NDST1: variants seen among roughly 807,000 people sequenced by gnomAD.
The protein encoded by NDST1 is bifunctional heparan sulfate N-deacetylase/N-sulfotransferase 1.
A neutral mutation model predicts 92.8 loss-of-function variants in NDST1; 35 were observed. That is an observed-to-expected ratio of 0.38 (90% CI 0.29 to 0.50). NDST1 has a LOEUF of 0.50. Ranked by LOEUF, NDST1 falls within the 20% of genes least tolerant of loss-of-function variation. The pLI is 0.94. For synonymous variants in NDST1, 493 were observed against 500.3 expected (o/e 0.99, Z 0.19); for missense variants, 822 against 1,182.7 (o/e 0.69, Z 4.47).
At chr5:150,524,878 T>C (rs1030420390) in intron 2 of NDST1, among the ~76,000 whole-genome samples, 7 of 152,318 alleles carry the variant, frequency 4.6e-5, no homozygotes, top group African/African-American at 1.7e-4. Context: ...GCATTTTGGA[T>C]TTTCAGATTA....
intron 9 of NDST1, 77 bp downstream of exon 9, chr5:150,541,743 C>T: frequency 7.5e-7 from 1 of 1,330,812 alleles, no homozygotes; most frequent in Non-Finnish European, 1.1e-6. Context: ...ACTGCCTTGC[C>T]CTGGCCCCAC....
chr5:150,548,512 C>A, intron 12 of NDST1, 124 bp downstream of exon 12: 1 of 994,258 alleles, frequency 1.0e-6, no homozygotes, highest in Non-Finnish European at 1.5e-6. Flanking sequence ...AGAGCTAGAC[C>A]CTTGGGTCTA....
chr5:150,519,355 C>A (rs963733968), intron 1 of NDST1, among the ~76,000 whole-genome samples: 1 of 152,114 alleles, frequency 6.6e-6, no homozygotes, highest in Non-Finnish European at 1.5e-5. Flanking sequence ...CTGGCTCTTA[C>A]ACCTTCCATC....
At chr5:150,539,681 T>C (rs1282805175) in intron 7 of NDST1, 44 of 985,104 alleles carry the variant, frequency 4.5e-5, no homozygotes, top group Non-Finnish European at 5.1e-5. Flanking sequence ...ACATTTGAGT[T>C]TTCTAGGTCT....
chr5:150,521,479 A>G lies in NDST1; in HGVS notation c.225A>G (p.Ala75=). 1 of 1,613,984 alleles carries G rather than the reference A, an allele frequency of 6.2e-7. No homozygotes were observed. The highest frequency in any genetic ancestry group is 8.5e-7 in the Non-Finnish European group (1 of 1,180,010). Residue 75 remains alanine, a synonymous_variant, in exon 2 of 15, where the codon GCA becomes GCG. Coordinates refer to ENST00000261797, the MANE Select transcript of NDST1 (RefSeq NM_001543.5). This position sits in a 1 kb window ranked among gnomAD's most constrained non-coding sequence, Gnocchi z 5.9. ...SRLLPLKPVQ[A]ATPSRTDPLV... is the part of the protein sequence containing the mutation. ...TGCTGCCACTCAAGCCTGTGCAGGC[A>G]GCCACCCCTTCCCGCACAGACCCGT...
intron 1 of NDST1, 128 bp from the exon 2 acceptor site, chr5:150,520,738 CAA>C (rs989099946): frequency 2.6e-6 from 1 of 391,028 alleles, no homozygotes; most frequent in African/African-American, 2.1e-5. Context: ...GAGCTTGCTC[CAA>C]ATCATGCAAC....
chr5:150,552,253 TGA>T (rs1755756070), intron 14 of NDST1, among the ~76,000 whole-genome samples: 1 of 152,036 alleles, frequency 6.6e-6, no homozygotes, highest in Admixed American at 6.5e-5. Context: ...CACTTGAACC[TGA>T]GAGGGGTAAA....
In NDST1 at chr5:150,542,945, C is replaced by T; in HGVS notation, c.1944C>T (p.Gly648=). 2 of 1,614,118 alleles carry T rather than the reference C, an allele frequency of 1.2e-6. No homozygotes were observed. The highest frequency in any genetic ancestry group is 1.7e-6 in the Non-Finnish European group (2 of 1,179,982). The part of the protein sequence containing the change: ...ETFEEIQFFN[G]HNYHKGIDWY... ...TTGAGGAGATCCAGTTTTTTAATGG[C>T]CACAACTATCACAAAGGCATCGACT... The change falls in exon 10 of 15, where the codon GGC becomes GGT. Residue 648 remains glycine, a synonymous_variant. Transcript: ENST00000261797.
chr5:150,527,680 T>G, intron 2 of NDST1, 124 bp from the exon 3 acceptor site: 6 of 1,404,942 alleles, frequency 4.3e-6, no homozygotes, highest in Non-Finnish European at 5.9e-6. Flanking sequence ...GCCAGGGTGG[T>G]GAGCCCTCCA....
chr5:150,503,678 A>T (rs1165319876), upstream of NDST1, among the ~76,000 whole-genome samples: 1 of 152,128 alleles, frequency 6.6e-6, no homozygotes, highest in African/African-American at 2.4e-5. Flanking sequence ...TAGCAAGTCC[A>T]AGAGCCCCTT....
chr5:150,548,728 C>G (rs913522841), intron 12 of NDST1, among the ~76,000 whole-genome samples: 4 of 152,020 alleles, frequency 2.6e-5, no homozygotes, highest in African/African-American at 9.7e-5. Flanking sequence ...GAAATAAGGT[C>G]TTACTATGTT....
At chr5:150,507,480 C>A (rs903703294), upstream of NDST1, among the ~76,000 whole-genome samples, 1 of 152,218 alleles carries the variant, frequency 6.6e-6, no homozygotes, top group Non-Finnish European at 1.5e-5. Context: ...TGGGTCTCGT[C>A]TTTGTAAGAC....
chr5:150,546,749 CT>C (rs1007123087), intron 11 of NDST1, among the ~76,000 whole-genome samples: 4 of 152,016 alleles, frequency 2.6e-5, no homozygotes, highest in African/African-American at 9.7e-5. Context: ...CCTGCCTCCT[CT>C]TTGCTCCCAT....
upstream of NDST1, among the ~76,000 whole-genome samples, chr5:150,505,329 A>G (rs1753402560): frequency 6.6e-6 from 1 of 152,166 alleles, no homozygotes; most frequent in African/African-American, 2.4e-5. Flanking sequence ...AGGTGCAAAG[A>G]GCTGATGGCA....
intron 2 of NDST1, among the ~76,000 whole-genome samples, chr5:150,524,360 G>A (rs886714171): frequency 9.9e-5 from 15 of 152,240 alleles, no homozygotes; most frequent in African/African-American, 3.6e-4. Context: ...TTGTGGCCCT[G>A]ACCAATGTGT....
In NDST1 at chr5:150,541,648, A is replaced by T. The variant is rs749576849; in HGVS notation, c.1828A>T (p.Ile610Phe). Residue 610 changes from isoleucine to phenylalanine, a missense_variant, in exon 9 of 15, where the codon ATC (isoleucine) becomes TTC (phenylalanine). Ile to Phe is a conservative substitution (Grantham distance 21). Coordinates refer to ENST00000261797, the MANE Select transcript of NDST1 (RefSeq NM_001543.5). ...TGACCGCTTCCCAAAGCTCCTCATC[A>T]TCGGCCCCCAGAAAACAGGCAGGTC... ...TCDRFPKLLI[I>F]GPQKTGTTAL... 1 of 1,614,062 alleles carries T rather than the reference A, an allele frequency of 6.2e-7. No homozygotes were observed. The highest frequency in any genetic ancestry group is 1.3e-5 in the African/African-American group (1 of 74,916).
intron 10 of NDST1, among the ~76,000 whole-genome samples, chr5:150,544,373 A>C (rs992764963): frequency 6.6e-6 from 1 of 152,220 alleles, no homozygotes. Context: ...AGCTTTCTCA[A>C]TTGAGATATT....
At chr5:150,516,976 AGT>A (rs56170880) in intron 1 of NDST1, among the ~76,000 whole-genome samples, 26,729 of 143,330 alleles carry the variant, frequency 0.19, 2,427 homozygotes, top group Middle Eastern at 0.32. Flanking sequence ...GACATTTTCT[AGT>A]GTGTGTGTGT....
intron 13 of NDST1, 117 bp downstream of exon 13, chr5:150,549,904 G>A: frequency 4.1e-6 from 3 of 724,064 alleles, no homozygotes; most frequent in Non-Finnish European, 7.6e-6. Context: ...AGAAAGTATG[G>A]AAAGTTATTA....
Sources: gnomAD v4.1 joint callset for allele counts (sites outside exome capture counted in the v4.1 genomes callset) on GRCh38, gnomAD v4.1.1 for gene constraint, Gnocchi (gnomAD v3.1) non-coding constraint, MANE v1.5 for transcripts, NCBI Gene and HGNC (gene_info 2026-07-23, HGNC 2026-07-21) for gene names.